DNMT1: variants seen among roughly 807,000 people sequenced by gnomAD.
The protein encoded by DNMT1 is DNA (cytosine-5)-methyltransferase 1.
DNMT1 carries 24 observed loss-of-function variants against 205.3 expected under a neutral mutation model. The observed-to-expected ratio is 0.12, with a 90% CI of 0.08 to 0.16. The LOEUF is 0.16. Among genes scored for constraint, DNMT1 ranks in the 10% least tolerant of loss-of-function variants. DNMT1 has a pLI of 1.00. For missense variants in DNMT1, 1,293 were observed against 2,177.7 expected (o/e 0.59, Z 8.09); for synonymous variants, 817 against 839.8 (o/e 0.97, Z 0.47).
chr19:10,160,218 C>G, intron 14 of DNMT1, 155 bp from the exon 15 acceptor site: 1 of 1,509,976 alleles, frequency 6.6e-7, no homozygotes, highest in African/African-American at 1.4e-5. Flanking sequence ...TGGCTCTTCA[C>G]CGCAGGGGCA....
intron 1 of DNMT1, 54 bp from the exon 2 acceptor site, chr19:10,182,131 T>C: frequency 6.4e-7 from 1 of 1,558,830 alleles, no homozygotes; most frequent in South Asian, 1.1e-5. Context: ...CAACTTCATT[T>C]GCCTGTAAGA....
chr19:10,185,042 T>G (rs2039151997), intron 1 of DNMT1, among the ~76,000 whole-genome samples: 1 of 152,228 alleles, frequency 6.6e-6, no homozygotes, highest in Non-Finnish European at 1.5e-5. Context: ...ACCTGCTGAA[T>G]GCCAGGCCCT....
chr19:10,168,416 T>C, intron 9 of DNMT1, 52 bp from the exon 10 acceptor site: 1 of 1,590,732 alleles, frequency 6.3e-7, no homozygotes. Context: ...GGTTTGGATC[T>C]TTCTATTAAA....
At position 10,136,588 on chromosome 19, in the gene DNMT1, A is replaced by G. The variant is rs2089487732; in HGVS notation, c.4490-301T>C. Among the ~76,000 whole-genome samples the G allele has an allele frequency of 4.6e-5, 7 of 152,024 alleles. No individual in the cohort carries two copies. The South Asian group carries it at 1.5e-3, about 32-fold the overall frequency. On this transcript the variant is annotated intron_variant, in intron 37 of 40. Coordinates refer to ENST00000359526, the MANE Select transcript of DNMT1 (RefSeq NM_001130823.3). ...ATAGCTGGGATTATAGGCGTGCGAC[A>G]CCACGCCCGGCTAATTTTTGTAGTT...
intron 30 of DNMT1, 83 bp from the exon 31 acceptor site, chr19:10,141,272 T>C: frequency 1.4e-6 from 2 of 1,422,784 alleles, no homozygotes; most frequent in Non-Finnish European, 9.9e-7. Flanking sequence ...GGCAATTTGA[T>C]AGTCACTTAA....
At chr19:10,193,038 C>T (rs2039331166) in intron 1 of DNMT1, among the ~76,000 whole-genome samples, 1 of 152,116 alleles carries the variant, frequency 6.6e-6, no homozygotes, top group African/African-American at 2.4e-5. Context: ...AAGAATGAGA[C>T]TCCATCTCAA....
chr19:10,162,964 CTTT>C (rs397859775), intron 12 of DNMT1: 14,746 of 345,016 alleles, frequency 0.043, no homozygotes, highest in Middle Eastern at 0.066. Flanking sequence ...CTAGAACAGG[CTTT>C]TTTTTTTTTT....
In DNMT1 at chr19:10,142,282, C is replaced by G. The variant is rs967876985; in HGVS notation, c.3117-62G>C. 10 of 1,610,666 alleles carry G rather than the reference C, an allele frequency of 6.2e-6. No individual in the cohort carries two copies. The African/African-American group carries it at 1.3e-4, about 21-fold the overall frequency. ...TGTGGTGAGCTTATGCTGAATTAAA[C>G]AGTACCATGTTCCTGGGGTGCTCAG... On this transcript the variant is annotated intron_variant, in intron 29 of 40. Transcript: ENST00000359526.
chr19:10,172,438 G>A (rs971904362), intron 9 of DNMT1, among the ~76,000 whole-genome samples: 4 of 150,398 alleles, frequency 2.7e-5, no homozygotes, highest in African/African-American at 4.9e-5. Context: ...TTAGCACCTC[G>A]TACGTCTGAA....
At chr19:10,144,029 T>G in intron 28 of DNMT1, 42 bp from the exon 29 acceptor site, 2 of 1,597,602 alleles carry the variant, frequency 1.3e-6, no homozygotes, top group Non-Finnish European at 1.7e-6. Context: ...ACCTTCCACC[T>G]TGCAGTGGTC....
At chr19:10,194,648 G>C in intron 1 of DNMT1, 172 bp downstream of exon 1, 2 of 872,448 alleles carry the variant, frequency 2.3e-6, no homozygotes, top group South Asian at 2.2e-5. Context: ...GCCCGGGCAC[G>C]CGCGACCGGA....
intron 9 of DNMT1, among the ~76,000 whole-genome samples, chr19:10,170,911 A>C (rs1195103934): frequency 6.6e-6 from 1 of 152,086 alleles, no homozygotes; most frequent in East Asian, 1.9e-4. Context: ...TTCCTGCCTC[A>C]GCCTCCTGAG....
At chr19:10,167,212 T>C (rs1249595834) in intron 10 of DNMT1, among the ~76,000 whole-genome samples, 2 of 151,852 alleles carry the variant, frequency 1.3e-5, no homozygotes, top group Non-Finnish European at 2.9e-5. Flanking sequence ...TTTTTTTTTC[T>C]TGAGGCAGAG....
intron 6 of DNMT1, among the ~76,000 whole-genome samples, chr19:10,177,001 G>A (rs1320313618): frequency 6.6e-6 from 1 of 152,124 alleles, no homozygotes; most frequent in Non-Finnish European, 1.5e-5. Context: ...CACACAATAT[G>A]GGGGTATAGA....
chr19:10,136,042 C>CT (rs2089474722), intron 38 of DNMT1, 79 bp downstream of exon 38: 1 of 1,598,442 alleles, frequency 6.3e-7, no homozygotes, highest in Non-Finnish European at 8.5e-7. Flanking sequence ...CCCCACTTGG[C>CT]TAAACCCACA....
In DNMT1 at chr19:10,137,583, C is replaced by T; in HGVS notation, c.4293+249G>A. The T allele has an allele frequency of 1.5e-6, 1 of 654,144 alleles. No individual in the cohort carries two copies. Among genetic ancestry groups the T allele is most frequent in the Non-Finnish European group, 2.6e-6 (1 of 380,712 alleles). The allele number at this position is 654,144 out of a possible 1,614,324, so 40.5% of individuals were successfully genotyped here. A position where few individuals can be genotyped will look rare whatever the true frequency, so the allele number is the denominator to read the frequency against. ...TGGGAAAACATGCGGGGAGAGGCAGCAAGGGGGAAGGCAGTGGTGGGTGGG... is the reference window on the plus strand; with the variant it reads ...TGGGAAAACATGCGGGGAGAGGCAGTAAGGGGGAAGGCAGTGGTGGGTGGG... On this transcript the variant is annotated intron_variant, in intron 36 of 40. Coordinates refer to ENST00000359526, the MANE Select transcript of DNMT1 (RefSeq NM_001130823.3). The surrounding 1 kb of genome is among the most constrained non-coding windows in gnomAD (Gnocchi z 6.4).
intron 1 of DNMT1, among the ~76,000 whole-genome samples, chr19:10,194,222 C>T (rs532731603): frequency 1.2e-4 from 19 of 152,228 alleles, no homozygotes; most frequent in African/African-American, 4.1e-4. Flanking sequence ...ACCACACAGT[C>T]CCAACTGACA....
chr19:10,170,775 T>G (rs753668812), intron 9 of DNMT1, among the ~76,000 whole-genome samples: 90 of 151,928 alleles, frequency 5.9e-4, no homozygotes, highest in South Asian at 1.0e-3. Context: ...CTTGGTTTTT[T>G]TTTGTTTGTT....
intron 1 of DNMT1, among the ~76,000 whole-genome samples, chr19:10,187,412 G>A (rs1445279147): frequency 1.3e-5 from 2 of 152,078 alleles, no homozygotes; most frequent in East Asian, 3.9e-4. Flanking sequence ...AGACTAGCCT[G>A]GGCAACAGAG....
Sources: gnomAD v4.1 joint callset for allele counts (sites outside exome capture counted in the v4.1 genomes callset) on GRCh38, gnomAD v4.1.1 for gene constraint, Gnocchi (gnomAD v3.1) non-coding constraint, MANE v1.5 for transcripts, NCBI Gene and HGNC (gene_info 2026-07-23, HGNC 2026-07-21) for gene names.